CASD1: variants seen among roughly 807,000 people sequenced by gnomAD.
The protein encoded by CASD1 is N-acetylneuraminate (7)9-O-acetyltransferase.
A neutral mutation model predicts 100.0 loss-of-function variants in CASD1; 41 were observed. That is an observed-to-expected ratio of 0.41 (90% CI 0.32 to 0.53). The LOEUF (loss-of-function observed/expected upper bound fraction) is 0.53, where lower values mean the gene tolerates loss of function less well. Among genes scored for constraint, CASD1 ranks in the 20% least tolerant of loss-of-function variants. CASD1 has a pLI of 0.25. For synonymous variants in CASD1, 321 were observed against 315.6 expected (o/e 1.02, Z -0.18); for missense variants, 774 against 948.7 (o/e 0.82, Z 2.42).
the CASD1 span, among the ~76,000 whole-genome samples, chr7:94,609,593 C>T: frequency 1.3e-5 from 2 of 152,134 alleles, no homozygotes; most frequent in African/African-American, 2.4e-5. Flanking sequence ...AAGTTATACT[C>T]GTGGTAAATA....
chr7:94,601,443 C>CAAAAAAAAAAAAAAAAA, the CASD1 span, among the ~76,000 whole-genome samples: 15 of 89,334 alleles, frequency 1.7e-4, 3 homozygotes, highest in East Asian at 8.3e-4. Flanking sequence ...ATCCCAGTAT[C>CAAAAAAAAAAAAAAAAA]AAAAAAAAAA....
At chr7:94,629,850 A>G in the CASD1 span, 19 of 1,610,152 alleles carry the variant, frequency 1.2e-5, no homozygotes, top group Admixed American at 3.0e-4. Flanking sequence ...CACTGAAAAC[A>G]AAGAGGAAAG....
intron 11 of CASD1, 40 bp from the exon 12 acceptor site, chr7:94,545,505 A>T (rs1324534969): frequency 6.5e-7 from 1 of 1,527,854 alleles, no homozygotes; most frequent in East Asian, 2.3e-5. Context: ...AATGAAAACA[A>T]TTACTTAGAA....
chr7:94,624,070 GCAAAGGCCAACAA>G, the CASD1 span: 1 of 392,636 alleles, frequency 2.5e-6, no homozygotes, highest in African/African-American at 2.1e-5. Flanking sequence ...AACACACAAA[GCAAAGGCCAACAA>G]CAGGATATGG....
In CASD1 at chr7:94,551,406, A is replaced by T. The variant is rs1562949997; in HGVS notation, c.1884A>T (p.Glu628Asp). ...TGCAGAAGCGTCAAATACTTTCTGA[A>T]GGAAAGGGTGAACCTCTTTTTTCAA... ...LALQKRQILS[E>D]GKGEPLFSNK... The change falls in exon 15 of 18, where the codon GAA becomes GAT. Residue 628 changes from glutamate to aspartate, a missense_variant. Around this residue, in one of 5 missense-constraint regions of CASD1, gnomAD observed 175 missense variants for 206.9 expected, o/e 0.85. Transcript: ENST00000297273. 6.4e-7 allele frequency: 1 copy of T among 1,556,060 alleles called. No homozygotes were observed. Among genetic ancestry groups the T allele is most frequent in the Non-Finnish European group, 8.6e-7 (1 of 1,158,002 alleles).
the CASD1 span, chr7:94,599,123 C>G: frequency 1.7e-6 from 1 of 585,176 alleles, no homozygotes; most frequent in Non-Finnish European, 3.0e-6. Flanking sequence ...GCATACATCT[C>G]ACATACTTTT....
chr7:94,516,133 A>G (rs534366088), intron 1 of CASD1, among the ~76,000 whole-genome samples: 1 of 136,036 alleles, frequency 7.4e-6, no homozygotes, highest in East Asian at 2.4e-4. Context: ...GAGACAGGTT[A>G]TTAAAAAATC....
intron 15 of CASD1, chr7:94,551,863 G>A (rs961039781): frequency 1.9e-5 from 3 of 153,956 alleles, no homozygotes; most frequent in African/African-American, 4.8e-5. Context: ...CATATTTATG[G>A]GGCACATGTG....
At chr7:94,566,093 T>C in the CASD1 span, among the ~76,000 whole-genome samples, 1 of 152,126 alleles carries the variant, frequency 6.6e-6, no homozygotes, top group Admixed American at 6.6e-5. Flanking sequence ...TTCCTCACAA[T>C]AGGTTTTTTG....
At chr7:94,558,640 AT>A (rs1796284309), downstream of CASD1, among the ~76,000 whole-genome samples, 1 of 152,140 alleles carries the variant, frequency 6.6e-6, no homozygotes, top group African/African-American at 2.4e-5. Flanking sequence ...TCCCCAAATC[AT>A]AATTGTGATT....
Position 94,510,098 on chromosome 7 carries a change from C to T in CASD1, c.14C>T (p.Ala5Val), listed in dbSNP as rs1047365440. The T allele has an allele frequency of 1.0e-5, 16 of 1,527,354 alleles. No homozygotes were observed. The highest frequency in any genetic ancestry group is 2.1e-5 in the Admixed American group (1 of 48,546). 94.6% of individuals were successfully genotyped at this position (1,527,354 alleles called of 1,614,324 possible). A position where few individuals can be genotyped will look rare whatever the true frequency, so the allele number is the denominator to read the frequency against. MAALAYNLGKREINH... is the reference protein window; with the variant it reads MAALVYNLGKREINH... ...GGAGGAACCAAGATGGCGGCTCTGG[C>T]CTACAACCTGGGCAAGCGGGAGATC... is the stretch of plus-strand genomic sequence containing the variant. Residue 5 changes from alanine (A) to valine (V), a missense_variant, in exon 1 of 18, where the codon GCC becomes GTC. Physicochemically the swap from Ala to Val is moderately conservative, Grantham distance 64. Coordinates refer to ENST00000297273, the MANE Select transcript of CASD1 (RefSeq NM_022900.5).
chr7:94,537,413 A>G, intron 8 of CASD1, 59 bp from the exon 9 acceptor site: 1 of 1,478,384 alleles, frequency 6.8e-7, no homozygotes, highest in Non-Finnish European at 9.1e-7. Context: ...ACAGGAGAAA[A>G]TTTAATGTGA....
At chr7:94,535,849 C>G (rs980637640) in intron 8 of CASD1, among the ~76,000 whole-genome samples, 15 of 152,322 alleles carry the variant, frequency 9.8e-5, no homozygotes, top group Admixed American at 5.2e-4. Flanking sequence ...GTAAAAACTA[C>G]TGCTTCTATG....
chr7:94,573,990 A>G, the CASD1 span, among the ~76,000 whole-genome samples: 1 of 152,086 alleles, frequency 6.6e-6, no homozygotes, highest in Admixed American at 6.6e-5. Flanking sequence ...AGATAACCAT[A>G]TGGTTTTTGT....
intron 12 of CASD1, among the ~76,000 whole-genome samples, chr7:94,546,076 G>T (rs1795663593): frequency 6.6e-6 from 1 of 151,900 alleles, no homozygotes; most frequent in South Asian, 2.1e-4. Flanking sequence ...CCTATGTTTT[G>T]CTTCAATCTT....
chr7:94,610,638 C>CAGAAAAAAAATAAATTGAACTCT, the CASD1 span, among the ~76,000 whole-genome samples: 1 of 151,654 alleles, frequency 6.6e-6, no homozygotes, highest in Non-Finnish European at 1.5e-5. Context: ...CCAGCAGTAA[C>CAGAAAAAAAATAAATTGAACTCT]AGAAAAAAAA....
At chr7:94,562,921 T>A in the CASD1 span, among the ~76,000 whole-genome samples, 3 of 152,160 alleles carry the variant, frequency 2.0e-5, no homozygotes, top group African/African-American at 7.2e-5. Flanking sequence ...CAGAGAATGC[T>A]GGAGGATTCA....
At chr7:94,623,600 T>G in the CASD1 span, 2 of 532,240 alleles carry the variant, frequency 3.8e-6, no homozygotes, top group African/African-American at 1.9e-5. Flanking sequence ...TCAGGTCTAT[T>G]TAATATACTG....
At chr7:94,562,150 A>G in the CASD1 span, among the ~76,000 whole-genome samples, 3 of 152,160 alleles carry the variant, frequency 2.0e-5, no homozygotes. Flanking sequence ...TCTTAGGTAC[A>G]TTGTGAGTTG....
Sources: allele counts gnomAD v4.1 joint callset (sites outside exome capture counted in the v4.1 genomes callset), GRCh38; gene constraint gnomAD v4.1.1; regional missense constraint gnomAD v4.1.1; transcripts MANE v1.5; gene names NCBI Gene and HGNC (gene_info 2026-07-23, HGNC 2026-07-21).